The following EPB41L4A variants were observed in gnomAD, a reference collection of about 807,000 sequenced individuals.
The protein encoded by EPB41L4A is erythrocyte membrane protein band 4.1 like 4A.
In EPB41L4A, 100 loss-of-function variants were observed where a neutral mutation model predicts 108.6. The observed-to-expected ratio is 0.92, with a 90% CI of 0.78 to 1.09. The LOEUF (loss-of-function observed/expected upper bound fraction) is 1.09. Among genes scored for constraint, EPB41L4A ranks in the 50% least tolerant of loss-of-function variants. The pLI, the probability that EPB41L4A is intolerant of heterozygous loss-of-function variation, is 0.00. For synonymous variants in EPB41L4A, 319 were observed against 289.0 expected, an observed-to-expected ratio of 1.10 and a Z score of -1.05; for missense variants, 1,030 against 842.7, an observed-to-expected ratio of 1.22 and a Z score of -2.75.
intron 1 of EPB41L4A, among the ~76,000 whole-genome samples, chr5:112,376,714 T>G (rs1759844101): frequency 6.6e-6 from 1 of 152,184 alleles, no homozygotes; most frequent in African/African-American, 2.4e-5. Flanking sequence ...GAACAAACTG[T>G]TGACACGTGC....
At chr5:112,204,932 T>A (rs1366475577) in intron 14 of EPB41L4A, among the ~76,000 whole-genome samples, 3 of 152,084 alleles carry the variant, frequency 2.0e-5, no homozygotes, top group Admixed American at 1.3e-4. Context: ...CCAAATAAAG[T>A]AGCTAGGAAG....
chr5:112,208,284 C>T (rs986640909), intron 13 of EPB41L4A, among the ~76,000 whole-genome samples: 1 of 147,796 alleles, frequency 6.8e-6, no homozygotes, highest in Non-Finnish European at 1.5e-5. Flanking sequence ...CTTACATGCT[C>T]ATTGCAGCAC....
intron 3 of EPB41L4A, 146 bp downstream of exon 3, chr5:112,280,126 A>C: frequency 1.4e-6 from 1 of 729,200 alleles, no homozygotes; most frequent in South Asian, 1.6e-5. Flanking sequence ...CAATGCACAC[A>C]ATACACACAT....
intron 12 of EPB41L4A, among the ~76,000 whole-genome samples, chr5:112,156,433 G>T (rs779151025): frequency 2.6e-5 from 4 of 152,132 alleles, no homozygotes; most frequent in Non-Finnish European, 4.4e-5. Flanking sequence ...GAGAACTGAG[G>T]GCAGAAGATT....
chr5:112,150,375 G>A (rs557411498), intron 12 of EPB41L4A, among the ~76,000 whole-genome samples: 1 of 151,998 alleles, frequency 6.6e-6, no homozygotes, highest in Admixed American at 6.5e-5. Context: ...GTATTGAATA[G>A]TGTGTTTCAT....
downstream of EPB41L4A, chr5:112,160,378 C>A (rs1759814799): frequency 6.6e-6 from 1 of 152,352 alleles, no homozygotes; most frequent in Non-Finnish European, 1.5e-5. Flanking sequence ...GGCCTACTCA[C>A]CCAAGCAGAA....
At chr5:112,333,458 G>A (rs1036110456) in intron 1 of EPB41L4A, among the ~76,000 whole-genome samples, 7 of 152,176 alleles carry the variant, frequency 4.6e-5, no homozygotes, top group African/African-American at 1.7e-4. Context: ...CCCAGGAGAA[G>A]GAGTGTGTGT....
At chr5:112,387,719 A>G (rs572331604) in intron 1 of EPB41L4A, among the ~76,000 whole-genome samples, 2 of 152,360 alleles carry the variant, frequency 1.3e-5, no homozygotes, top group African/African-American at 4.8e-5. Flanking sequence ...CAAGACCTCC[A>G]AAGTGCAGAG....
chr5:112,275,366 A>G lies in EPB41L4A; in HGVS notation c.295T>C (p.Tyr99His), dbSNP rs1400791166. ...PYTLYFGIKF[Y>H]AEDPCKLKEE... is the part of the protein sequence containing the mutation. ...TTAAGTTTACATGGATCTTCAGCAT[A>G]GAATTTAATACCAAAATACAAAGTA... The change falls in exon 4 of 23, where the codon TAT becomes CAT. Residue 99 changes from tyrosine (Y) to histidine (H), a missense_variant. Coordinates refer to ENST00000261486, the MANE Select transcript of EPB41L4A (RefSeq NM_022140.5). The G allele has an allele frequency of 3.9e-6, 6 of 1,556,194 alleles. No individual in the cohort carries two copies. The highest frequency in any genetic ancestry group is 5.2e-6 in the Non-Finnish European group (6 of 1,144,278).
chr5:112,393,468 C>T (rs9261614), intron 1 of EPB41L4A, among the ~76,000 whole-genome samples: 16 of 152,126 alleles, frequency 1.1e-4, no homozygotes, highest in African/African-American at 2.9e-4. Flanking sequence ...GACACCTCTA[C>T]GCAAATAAAC....
At chr5:112,231,604 T>G (rs1748935885) in intron 12 of EPB41L4A, among the ~76,000 whole-genome samples, 1 of 149,160 alleles carries the variant, frequency 6.7e-6, no homozygotes, top group Non-Finnish European at 1.5e-5. Flanking sequence ...GCTAACAAGG[T>G]GAAACCCCGT....
rs143456899 is a variant in EPB41L4A, at chr5:112,298,931, C to T, written c.204+8455G>A. The stretch of plus-strand genomic sequence containing the variant: ...TCCTCCATGTTTTCTAGTTTATGCA[C>T]GTAAATGTGTTCATAGTAGCCTTGA... On this transcript the variant is annotated intron_variant, in intron 2 of 22. Transcript: ENST00000261486. Among the ~76,000 whole-genome samples, 618 of 152,194 alleles carry T rather than the reference C, an allele frequency of 4.1e-3. 5 individuals are homozygous for T. Among genetic ancestry groups the T allele is most frequent in the African/African-American group, 0.014 (570 of 41,542 alleles).
Position 112,313,965 on chromosome 5 carries a change from GC to G in EPB41L4A, c.100-6476del, listed in dbSNP as rs1755234584. Among the ~76,000 whole-genome samples, 3 of 141,370 alleles carry G rather than the reference GC, an allele frequency of 2.1e-5. No homozygotes were observed. The South Asian group carries it at 7.0e-4, about 33-fold the overall frequency. The allele number at this position is 141,370 out of a possible 152,430, so 92.7% of individuals were successfully genotyped here. On this transcript the variant is annotated intron_variant, in intron 1 of 22. Coordinates refer to ENST00000261486, the MANE Select transcript of EPB41L4A (RefSeq NM_022140.5). ...TGCAAGCTCCGCCTCCCGGGTTCAC[GC>G]CATTCTCCTGCCTCAGCCTCCGAAG...
At chr5:112,250,415 TCTC>T (rs1051788576) in intron 9 of EPB41L4A, among the ~76,000 whole-genome samples, 46 of 152,288 alleles carry the variant, frequency 3.0e-4, no homozygotes, top group African/African-American at 1.1e-3. Context: ...TTTTCTATCT[TCTC>T]CTCATCTGTT....
chr5:112,182,812 G>A (rs1322898902), intron 18 of EPB41L4A, among the ~76,000 whole-genome samples: 2 of 69,204 alleles, frequency 2.9e-5, no homozygotes, highest in Non-Finnish European at 5.4e-5. Flanking sequence ...TGGAGTTGGG[G>A]GAAGGTGCTA....
chr5:112,238,869 T>A (rs1204813365), intron 11 of EPB41L4A, among the ~76,000 whole-genome samples: 1 of 152,216 alleles, frequency 6.6e-6, no homozygotes, highest in East Asian at 1.9e-4. Flanking sequence ...AAATTCTTTT[T>A]CAAAATATAG....
At chr5:112,279,471 C>CT (rs1257636794) in intron 3 of EPB41L4A, among the ~76,000 whole-genome samples, 14 of 152,264 alleles carry the variant, frequency 9.2e-5, no homozygotes, top group African/African-American at 3.4e-4. Context: ...AACAGAGTTT[C>CT]AGTTTAGGGA....
chr5:112,178,042 T>TA (rs376246670), intron 18 of EPB41L4A, among the ~76,000 whole-genome samples: 8,305 of 142,186 alleles, frequency 0.058, 568 homozygotes, highest in African/African-American at 0.17. Context: ...AGGCTAGAAT[T>TA]AAAAAAAAAA....
downstream of EPB41L4A, chr5:112,162,095 A>G (rs1160653007): frequency 6.6e-6 from 1 of 152,260 alleles, no homozygotes; most frequent in Non-Finnish European, 1.5e-5. Context: ...GTTCTTGATT[A>G]AAATGTAATA....
Sources: allele counts gnomAD v4.1 joint callset (sites outside exome capture counted in the v4.1 genomes callset), GRCh38; gene constraint gnomAD v4.1.1; transcripts MANE v1.5; gene names NCBI Gene and HGNC (gene_info 2026-07-23, HGNC 2026-07-21).